LRATD1: variants seen among roughly 807,000 people sequenced by gnomAD.
The protein encoded by LRATD1 is LRAT domain containing 1, also known as protein LRATD1.
A neutral mutation model predicts 21.3 loss-of-function variants in LRATD1; 8 were observed. That is an observed-to-expected ratio of 0.38 (90% CI 0.22 to 0.68). LRATD1 has a LOEUF of 0.68. LRATD1 is among the 30% of genes least tolerant of loss of function. The pLI is 0.54. For missense variants in LRATD1, 380 were observed against 404.0 expected (o/e 0.94, Z 0.51); for synonymous variants, 210 against 186.2 (o/e 1.13, Z -1.04).
chr2:14,651,075 C>T (rs1457598963), downstream of LRATD1, among the ~76,000 whole-genome samples: 1 of 152,018 alleles, frequency 6.6e-6, no homozygotes, highest in African/African-American at 2.4e-5. Context: ...ATCATAGGAC[C>T]CCAGTCTAAT....
At position 14,633,972 on chromosome 2, in the gene LRATD1, C is replaced by T. The variant is rs1671613317; in HGVS notation, c.-8C>T. The T allele has an allele frequency of 1.2e-6, 2 of 1,605,890 alleles. No homozygotes were observed. Among genetic ancestry groups the T allele is most frequent in the East Asian group, 2.2e-5 (1 of 44,656 alleles). ...CCCGCTCCTGGCCCTCGCCTCGCCA[C>T]CTCATTGATGGGCAACCAACTGGAC... On this transcript the variant is annotated 5_prime_UTR_variant, in exon 2 of 2. Coordinates refer to ENST00000295092, the MANE Select transcript of LRATD1 (RefSeq NM_145175.4). The surrounding 1 kb of genome is among the most constrained non-coding windows in gnomAD (Gnocchi z 7.5).
chr2:14,635,289 C>T lies in LRATD1; in HGVS notation c.*431C>T, dbSNP rs1031099097. 5 of 492,060 alleles carry T rather than the reference C, an allele frequency of 1.0e-5. No homozygotes were observed. The East Asian group carries it at 3.2e-4, about 31-fold the overall frequency. The allele number at this position is 492,060 out of a possible 1,614,324, so 30.5% of individuals were successfully genotyped here. On this transcript the variant is annotated 3_prime_UTR_variant, in exon 2 of 2. Transcript: ENST00000295092. Reference sequence around the variant, plus strand: ...CCCGAGCGTGCGCACACAGACCGGTCGGAGGCGAGAACTGGTCTCTACAGG... The same window carrying T: ...CCCGAGCGTGCGCACACAGACCGGTTGGAGGCGAGAACTGGTCTCTACAGG...
At chr2:14,650,203 C>T (rs1372491470), downstream of LRATD1, 5 of 152,132 alleles carry the variant, frequency 3.3e-5, no homozygotes, top group African/African-American at 1.2e-4. Flanking sequence ...AGCATTCCAC[C>T]TCTTTTCTGT....
Position 14,638,398 on chromosome 2 carries a change from G to A in LRATD1, c.*3540G>A, listed in dbSNP as rs753059441. 6.0e-6 allele frequency: 1 copy of A among 167,044 alleles called. No individual in the cohort carries two copies. Among genetic ancestry groups the A allele is most frequent in the Non-Finnish European group, 1.5e-5 (1 of 68,062 alleles). 10.3% of individuals were successfully genotyped at this position (167,044 alleles called of 1,614,324 possible). On this transcript the variant is annotated 3_prime_UTR_variant, in exon 2 of 2. Transcript: ENST00000295092. Reference sequence around the variant, plus strand: ...GTGCCAGATTAGAACATCAAGCACAGAAGCAGCTGTATGATTTACCTGTTT... The same window carrying A: ...GTGCCAGATTAGAACATCAAGCACAAAAGCAGCTGTATGATTTACCTGTTT...
downstream of LRATD1, among the ~76,000 whole-genome samples, chr2:14,651,180 T>A (rs575787132): frequency 6.6e-6 from 1 of 152,308 alleles, no homozygotes; most frequent in African/African-American, 2.4e-5. Context: ...AATGATGTTG[T>A]GCTATGGATC....
At chr2:14,646,601 A>G (rs1034636064) in intron 4 of LRATD1, 2 of 152,196 alleles carry the variant, frequency 1.3e-5, no homozygotes, top group Non-Finnish European at 2.9e-5. Flanking sequence ...TAAGAAGTTA[A>G]ATATTCTGGA....
At position 14,639,645 on chromosome 2, in the gene LRATD1, G is replaced by A. The variant is rs911599998; in HGVS notation, c.*4787G>A. 1 of 167,114 alleles carries A rather than the reference G, an allele frequency of 6.0e-6. No individual in the cohort carries two copies. Among genetic ancestry groups the A allele is most frequent in the Non-Finnish European group, 1.5e-5 (1 of 68,108 alleles). The allele number at this position is 167,114 out of a possible 1,614,324, so 10.4% of individuals were successfully genotyped here. On this transcript the variant is annotated 3_prime_UTR_variant, in exon 2 of 2. Coordinates refer to ENST00000295092, the MANE Select transcript of LRATD1 (RefSeq NM_145175.4). The stretch of plus-strand genomic sequence containing the variant: ...AGGAAAAATAGTCTTCCCTGCCCTT[G>A]TCACTGATGGTGACACTACTTGTAA...
At chr2:14,643,430 C>T (rs796076672), downstream of LRATD1, among the ~76,000 whole-genome samples, 13 of 152,278 alleles carry the variant, frequency 8.5e-5, no homozygotes, top group African/African-American at 3.1e-4. Flanking sequence ...CCAGTCTGTC[C>T]GGTACTCCCC....
chr2:14,633,391 C>T lies in LRATD1; in HGVS notation c.-37+454C>T, dbSNP rs1671599779. ...CACCAGTATACCAGGCTGCCAGTGT[C>T]TGGACTCCCAAGTGTCCAAAATGTT... On this transcript the variant is annotated intron_variant, in intron 1 of 1. Coordinates refer to ENST00000295092, the MANE Select transcript of LRATD1 (RefSeq NM_145175.4). The surrounding 1 kb of genome is among the most constrained non-coding windows in gnomAD (Gnocchi z 7.5). Among the ~76,000 whole-genome samples the T allele has an allele frequency of 6.6e-6, 1 of 152,206 alleles. No homozygotes were observed. Among genetic ancestry groups the T allele is most frequent in the Admixed American group, 6.5e-5 (1 of 15,286 alleles).
At position 14,635,609 on chromosome 2, in the gene LRATD1, G is replaced by C. The variant is rs892565200; in HGVS notation, c.*751G>C. On this transcript the variant is annotated 3_prime_UTR_variant, in exon 2 of 2. Coordinates refer to ENST00000295092, the MANE Select transcript of LRATD1 (RefSeq NM_145175.4). ...TCCCTCGCTGGCAGAAGGGAAGCCG[G>C]CCCGGTCCCGGGAGGAAGATGGCGC... 3 of 470,890 alleles carry C rather than the reference G, an allele frequency of 6.4e-6. No individual in the cohort carries two copies. The highest frequency in any genetic ancestry group is 4.0e-5 in the African/African-American group (2 of 50,080). 29.2% of individuals were successfully genotyped at this position (470,890 alleles called of 1,614,324 possible). A position where few individuals can be genotyped will look rare whatever the true frequency, so the allele number is the denominator to read the frequency against.
At chr2:14,641,625 C>G (rs1671806538), downstream of LRATD1, among the ~76,000 whole-genome samples, 1 of 152,186 alleles carries the variant, frequency 6.6e-6, no homozygotes, top group Non-Finnish European at 1.5e-5. Context: ...CCAAGTAAAG[C>G]CTGAGCTCCT....
Position 14,633,402 on chromosome 2 carries a change from AG to A in LRATD1, c.-37+466del, listed in dbSNP as rs1393070389. Among the ~76,000 whole-genome samples, 3 of 152,160 alleles carry A rather than the reference AG, an allele frequency of 2.0e-5. No homozygotes were observed. Among genetic ancestry groups the A allele is most frequent in the Admixed American group, 1.3e-4 (2 of 15,286 alleles). On this transcript the variant is annotated intron_variant, in intron 1 of 1. Transcript: ENST00000295092. The surrounding 1 kb of genome is among the most constrained non-coding windows in gnomAD (Gnocchi z 7.5). ...CAGGCTGCCAGTGTCTGGACTCCCA[AG>A]TGTCCAAAATGTTGCTGGTGTCAAG... is the stretch of plus-strand genomic sequence containing the variant.
In LRATD1 at chr2:14,634,101, A is replaced by G; in HGVS notation, c.122A>G (p.Glu41Gly). Residue 41 changes from glutamate (E) to glycine (G), a missense_variant, in exon 2 of 2, where the codon GAG becomes GGG. Glu to Gly is a moderately conservative substitution (Grantham distance 98, BLOSUM62 -2). Coordinates refer to ENST00000295092, the MANE Select transcript of LRATD1 (RefSeq NM_145175.4). ...GTTGCCTACTTCTTCTCGGATGATG[A>G]GGAAGACCTGGACGAACGCGGGCAG... ...VGVAYFFSDDEEDLDERGQPD... is the reference protein window; with the variant it reads ...VGVAYFFSDDGEDLDERGQPD... 1 of 1,614,106 alleles carries G rather than the reference A, an allele frequency of 6.2e-7. No individual in the cohort carries two copies. Among genetic ancestry groups the G allele is most frequent in the Non-Finnish European group, 8.5e-7 (1 of 1,180,028 alleles).
In LRATD1 at chr2:14,636,093, A is replaced by G. The variant is rs533699192; in HGVS notation, c.*1235A>G. On this transcript the variant is annotated 3_prime_UTR_variant, in exon 2 of 2. Coordinates refer to ENST00000295092, the MANE Select transcript of LRATD1 (RefSeq NM_145175.4). ...ACTGGGGGCCATTAAGAGTGGATGT[A>G]GCTAAGAGCTTAGCTAACATTGCCT... 21 of 183,306 alleles carry G rather than the reference A, an allele frequency of 1.1e-4. No individual in the cohort carries two copies. The South Asian group carries it at 2.4e-3, about 21-fold the overall frequency. The allele number at this position is 183,306 out of a possible 1,614,324, so 11.4% of individuals were successfully genotyped here.
At position 14,634,214 on chromosome 2, in the gene LRATD1, C is replaced by G. The variant is rs1169869810; in HGVS notation, c.235C>G (p.Leu79Val). The change falls in exon 2 of 2, where the codon CTG becomes GTG. Residue 79 changes from leucine to valine, a missense_variant. Leu to Val is a conservative substitution (Grantham distance 32). Transcript: ENST00000295092. The stretch of plus-strand genomic sequence containing the variant: ...CCACCACCACCACCTGCTGCACCAG[C>G]TGGTCCTCAACGAGACTCAGTTTTC... ...SRHHHHLLHQLVLNETQFSAF... is the reference protein window; with the variant it reads ...SRHHHHLLHQVVLNETQFSAF... The G allele has an allele frequency of 6.2e-7, 1 of 1,613,128 alleles. No individual in the cohort carries two copies. The highest frequency in any genetic ancestry group is 8.5e-7 in the Non-Finnish European group (1 of 1,179,876).
chr2:14,634,358 G>T lies in LRATD1; in HGVS notation c.379G>T (p.Glu127Ter). Residue 127 changes from glutamate (E) to a stop codon, truncating the protein, a stop_gained, in exon 2 of 2, where the codon GAG (glutamate) becomes TAG (stop). Coordinates refer to ENST00000295092, the MANE Select transcript of LRATD1 (RefSeq NM_145175.4). LOFTEE classifies it high-confidence loss of function. ...PALCEPGDLL[E>*]LLWLQPAPEP... ...GCTCTGCGAACCCGGCGACCTGCTG[G>T]AGCTGCTGTGGCTGCAGCCCGCGCC... 1 of 1,578,410 alleles carries T rather than the reference G, an allele frequency of 6.3e-7. No individual in the cohort carries two copies.
intron 4 of LRATD1, among the ~76,000 whole-genome samples, chr2:14,648,093 C>T (rs930446280): frequency 7.9e-5 from 12 of 152,210 alleles, no homozygotes; most frequent in Admixed American, 5.9e-4. Flanking sequence ...AGGTCTTACA[C>T]GCATGATTCT....
intron 4 of LRATD1, among the ~76,000 whole-genome samples, chr2:14,646,733 C>T (rs1671902367): frequency 1.3e-5 from 2 of 152,098 alleles, no homozygotes; most frequent in Admixed American, 1.3e-4. Flanking sequence ...ATGAGACAGG[C>T]CAGGCACTAA....
Position 14,633,698 on chromosome 2 carries a change from A to G in LRATD1, c.-36-246A>G. The G allele has an allele frequency of 2.3e-6, 1 of 428,394 alleles. No homozygotes were observed. The highest frequency in any genetic ancestry group is 4.9e-5 in the South Asian group (1 of 20,244). The allele number at this position is 428,394 out of a possible 1,614,324, so 26.5% of individuals were successfully genotyped here. A position where few individuals can be genotyped will look rare whatever the true frequency, so the allele number is the denominator to read the frequency against. On this transcript the variant is annotated intron_variant, in intron 1 of 1. Transcript: ENST00000295092. The surrounding 1 kb of genome is among the most constrained non-coding windows in gnomAD (Gnocchi z 7.5). ...GCCAGCCTGGGTGTTTTCTTCTGGGAGTTGGACCGAGTTCCCGGAAGGGGT... is the reference window on the plus strand; with the variant it reads ...GCCAGCCTGGGTGTTTTCTTCTGGGGGTTGGACCGAGTTCCCGGAAGGGGT...
Sources: allele counts gnomAD v4.1 joint callset (sites outside exome capture counted in the v4.1 genomes callset), GRCh38; gene constraint gnomAD v4.1.1; non-coding constraint Gnocchi (gnomAD v3.1); transcripts MANE v1.5; gene names NCBI Gene and HGNC (gene_info 2026-07-23, HGNC 2026-07-21).